The following LRRC49 variants were observed in gnomAD, a reference collection of about 807,000 sequenced individuals.
LRRC49 encodes leucine-rich repeat-containing protein 49.
A neutral mutation model predicts 83.3 loss-of-function variants in LRRC49; 50 were observed. That is an observed-to-expected ratio of 0.60 (90% CI 0.48 to 0.76). The LOEUF is 0.76. Among genes scored for constraint, LRRC49 ranks in the 30% least tolerant of loss-of-function variants. The probability of loss-of-function intolerance (pLI) is 0.00; values close to 1 mark genes in which losing one functional copy is unlikely to be tolerated. For missense variants in LRRC49, 704 were observed against 809.1 expected (o/e 0.87, Z 1.58); for synonymous variants, 286 against 283.3 (o/e 1.01, Z -0.10).
intron 6 of LRRC49, among the ~76,000 whole-genome samples, chr15:70,913,666 G>A (rs1359576904): frequency 6.6e-6 from 1 of 152,178 alleles, no homozygotes; most frequent in Middle Eastern, 3.2e-3. Flanking sequence ...GGCTTTGTAT[G>A]CCAGGCAAAT....
intron 11 of LRRC49, among the ~76,000 whole-genome samples, chr15:70,997,746 A>T (rs560125990): frequency 6.6e-6 from 1 of 152,242 alleles, no homozygotes; most frequent in African/African-American, 2.4e-5. Context: ...GCATGACTCC[A>T]TCTTGAAAAA....
chr15:70,929,915 C>T (rs2035344574), intron 7 of LRRC49, among the ~76,000 whole-genome samples: 1 of 152,162 alleles, frequency 6.6e-6, no homozygotes, highest in East Asian at 1.9e-4. Context: ...AGTTCTTTTG[C>T]CCTTTCTACC....
At chr15:70,984,770 C>T (rs1242623058) in intron 11 of LRRC49, among the ~76,000 whole-genome samples, 3 of 101,322 alleles carry the variant, frequency 3.0e-5, no homozygotes, top group African/African-American at 1.1e-4. Flanking sequence ...CTAAAGCTAT[C>T]CCTCCCCCCT....
chr15:70,940,418 G>A (rs1475263051), intron 8 of LRRC49, among the ~76,000 whole-genome samples: 1 of 152,034 alleles, frequency 6.6e-6, no homozygotes, highest in Non-Finnish European at 1.5e-5. Context: ...CACCATGCCC[G>A]GCTAATTTTT....
At chr15:70,893,272 C>A in intron 1 of LRRC49, 2 of 552,038 alleles carry the variant, frequency 3.6e-6, no homozygotes, top group Non-Finnish European at 6.4e-6. Flanking sequence ...TCATTAGGGA[C>A]TCCCACCTCC....
intron 8 of LRRC49, among the ~76,000 whole-genome samples, chr15:70,961,800 C>T (rs553855298): frequency 1.0e-3 from 158 of 152,242 alleles, no homozygotes; most frequent in African/African-American, 3.7e-3. Context: ...TGTCATGAAA[C>T]GGTTCTCTAA....
intron 11 of LRRC49, among the ~76,000 whole-genome samples, chr15:70,994,462 CTTTA>C (rs562148532): frequency 6.6e-6 from 1 of 151,562 alleles, no homozygotes. Flanking sequence ...TCCATATGAG[CTTTA>C]TTTATTTATT....
intron 14 of LRRC49, among the ~76,000 whole-genome samples, chr15:71,014,733 T>C (rs2038770119): frequency 6.6e-6 from 1 of 152,170 alleles, no homozygotes; most frequent in African/African-American, 2.4e-5. Context: ...ACTACAGCTT[T>C]TAAACATATC....
intron 14 of LRRC49, among the ~76,000 whole-genome samples, chr15:71,030,560 C>T (rs889692161): frequency 4.6e-5 from 7 of 152,108 alleles, no homozygotes; most frequent in African/African-American, 7.2e-5. Flanking sequence ...TGAATGTTGG[C>T]CTGTCTTGCT....
chr15:71,023,788 C>T (rs889085420), intron 14 of LRRC49, among the ~76,000 whole-genome samples: 1 of 152,168 alleles, frequency 6.6e-6, no homozygotes, highest in Non-Finnish European at 1.5e-5. Context: ...AGTGACCACT[C>T]GGCTGGAGAC....
chr15:70,906,944 G>C (rs998418909), intron 5 of LRRC49, among the ~76,000 whole-genome samples: 3 of 152,192 alleles, frequency 2.0e-5, no homozygotes, highest in African/African-American at 7.2e-5. Flanking sequence ...AAAAGAAAAT[G>C]AGTCAGAAGA....
chr15:71,051,206 G>C lies in LRRC49; in HGVS notation c.*1594G>C, dbSNP rs1460793850. Reference sequence around the variant, plus strand: ...TAGTGTGTAACCTCAGTTTCCTCCTGATAGCACACACTTCGTAAGATAGTC... The same window carrying C: ...TAGTGTGTAACCTCAGTTTCCTCCTCATAGCACACACTTCGTAAGATAGTC... On this transcript the variant is annotated 3_prime_UTR_variant, in exon 16 of 16. Coordinates refer to ENST00000260382, the MANE Select transcript of LRRC49 (RefSeq NM_017691.5). 6.6e-6 allele frequency: 1 copy of C among 152,198 alleles called. No homozygotes were observed. Among genetic ancestry groups the C allele is most frequent in the African/African-American group, 2.4e-5 (1 of 41,430 alleles). The allele number at this position is 152,198 out of a possible 1,614,324, so 9.4% of individuals were successfully genotyped here. A position where few individuals can be genotyped will look rare whatever the true frequency, so the allele number is the denominator to read the frequency against.
chr15:70,866,444 C>T (rs1275827028), intron 1 of LRRC49, among the ~76,000 whole-genome samples: 2 of 152,158 alleles, frequency 1.3e-5, no homozygotes, highest in Non-Finnish European at 2.9e-5. Context: ...CACGTCCGGC[C>T]ACTAAGACAT....
chr15:70,964,793 C>T (rs1220741243), intron 9 of LRRC49, among the ~76,000 whole-genome samples: 1 of 152,152 alleles, frequency 6.6e-6, no homozygotes, highest in Non-Finnish European at 1.5e-5. Flanking sequence ...TAAGCCTCTA[C>T]CTATTTTCTC....
chr15:71,008,828 A>G (rs2038551587), intron 12 of LRRC49, among the ~76,000 whole-genome samples: 1 of 151,904 alleles, frequency 6.6e-6, no homozygotes, highest in African/African-American at 2.4e-5. Context: ...TCTCAAAAAA[A>G]ATGATCCTTT....
In LRRC49 at chr15:70,999,175, C is replaced by G. The variant is rs553813798; in HGVS notation, c.1170-9204C>G. Reference sequence around the variant, plus strand: ...TCCAATGCCTGGGCTTCCTCAGGGACAGTTTCTGTTCATTTCTGTTTTTCC... The same window carrying G: ...TCCAATGCCTGGGCTTCCTCAGGGAGAGTTTCTGTTCATTTCTGTTTTTCC... On this transcript the variant is annotated intron_variant, in intron 11 of 15. Coordinates refer to ENST00000260382, the MANE Select transcript of LRRC49 (RefSeq NM_017691.5). Among the ~76,000 whole-genome samples, 8 of 152,252 alleles carry G rather than the reference C, an allele frequency of 5.3e-5. No homozygotes were observed. In the South Asian group the frequency reaches 1.7e-3, roughly 32 times the overall value.
chr15:71,015,250 GAA>G (rs2038787599), intron 14 of LRRC49, among the ~76,000 whole-genome samples: 1 of 152,124 alleles, frequency 6.6e-6, no homozygotes, highest in Non-Finnish European at 1.5e-5. Flanking sequence ...AACTTTGTGG[GAA>G]AAGACTAGAA....
chr15:71,012,870 G>T lies in LRRC49; in HGVS notation c.1660G>T (p.Glu554Ter), dbSNP rs1415789496. 6.2e-7 allele frequency: 1 copy of T among 1,613,228 alleles called. No individual in the cohort carries two copies. Among genetic ancestry groups the T allele is most frequent in the South Asian group, 1.1e-5 (1 of 91,038 alleles). Reference protein sequence around the residue: ...FGILAHVASSELPQYRLISIL... With the variant: ...FGILAHVASS ...AATCCTAGCACATGTAGCATCTTCTGAGTTACCCCAGTATCGTCTGATTTC... is the reference window on the plus strand; with the variant it reads ...AATCCTAGCACATGTAGCATCTTCTTAGTTACCCCAGTATCGTCTGATTTC... Residue 554 changes from glutamate (E) to a stop codon, truncating the protein, a stop_gained, in exon 14 of 16, where the codon GAG becomes TAG. Transcript: ENST00000260382. LOFTEE classifies it high-confidence loss of function.
At chr15:70,892,211 A>G, upstream of LRRC49, 2 of 1,602,066 alleles carry the variant, frequency 1.2e-6, no homozygotes, top group Non-Finnish European at 1.7e-6. Context: ...GGGAAAGCGG[A>G]ACAGCGACTT....
Sources: gnomAD v4.1 joint callset for allele counts (sites outside exome capture counted in the v4.1 genomes callset) on GRCh38, gnomAD v4.1.1 for gene constraint, MANE v1.5 for transcripts, NCBI Gene and HGNC (gene_info 2026-07-23, HGNC 2026-07-21) for gene names.